KLF17: variants seen among roughly 807,000 people sequenced by gnomAD.
KLF17 encodes the protein Krueppel-like factor 17.
In KLF17, 31 loss-of-function variants were observed where a neutral mutation model predicts 34.2. The ratio of observed to expected loss-of-function variants is 0.91; its 90% CI spans 0.68 to 1.22. The LOEUF is 1.22. Ranked by LOEUF, KLF17 falls within the 50% of genes most tolerant of loss-of-function variation. The probability of loss-of-function intolerance (pLI) is 0.00; values close to 1 mark genes in which losing one functional copy is unlikely to be tolerated. For synonymous variants in KLF17, 179 were observed against 186.7 expected, an observed-to-expected ratio of 0.96 and a Z score of 0.34; for missense variants, 478 against 505.2, an observed-to-expected ratio of 0.95 and a Z score of 0.52.
intron 1 of KLF17, among the ~76,000 whole-genome samples, chr1:44,125,910 G>C (rs1229878231): frequency 6.6e-6 from 1 of 152,198 alleles, no homozygotes; most frequent in Non-Finnish European, 1.5e-5. Flanking sequence ...TGGGGGTTGA[G>C]TTGCCATAAT....
chr1:44,062,942 T>A, the KLF17 span, among the ~76,000 whole-genome samples: 2 of 152,188 alleles, frequency 1.3e-5, no homozygotes, highest in African/African-American at 2.4e-5. Flanking sequence ...TACGAGAATG[T>A]TCATAGTAGC....
At chr1:44,122,286 A>G in intron 1 of KLF17, 3 of 1,602,606 alleles carry the variant, frequency 1.9e-6, no homozygotes, top group Non-Finnish European at 2.6e-6. Flanking sequence ...TAGTGTATCC[A>G]GAGGTAAACT....
At chr1:44,046,203 C>A in the KLF17 span, 1 of 147,980 alleles carries the variant, frequency 6.8e-6, no homozygotes, top group Non-Finnish European at 1.5e-5. Context: ...TAGTACCAGG[C>A]CAGTTCTAAG....
chr1:44,118,813 A>T (rs2087910137), upstream of KLF17: 6 of 896,522 alleles, frequency 6.7e-6, no homozygotes, highest in Non-Finnish European at 9.9e-6. Flanking sequence ...ATAGAAGGTG[A>T]TTGTGGCGTG....
At chr1:44,107,792 T>A in the KLF17 span, among the ~76,000 whole-genome samples, 1 of 152,200 alleles carries the variant, frequency 6.6e-6, no homozygotes, top group Non-Finnish European at 1.5e-5. Context: ...GTTATAATTG[T>A]TTTATTTTAT....
intron 1 of KLF17, among the ~76,000 whole-genome samples, chr1:44,122,807 C>T (rs550956594): frequency 6.6e-6 from 1 of 152,250 alleles, no homozygotes; most frequent in East Asian, 1.9e-4. Flanking sequence ...CCATGTTGGC[C>T]AGGCTGGTCT....
chr1:44,080,810 GCTCAAACAATCCTCCTGC>G, the KLF17 span, among the ~76,000 whole-genome samples: 1 of 147,778 alleles, frequency 6.8e-6, no homozygotes, highest in East Asian at 2.0e-4. Context: ...TGTCTCCTAG[GCTCAAACAATCCTCCTGC>G]CTCAGCCTCT....
the KLF17 span, among the ~76,000 whole-genome samples, chr1:44,059,988 A>G: frequency 1.3e-5 from 2 of 152,082 alleles, no homozygotes; most frequent in African/African-American, 4.8e-5. Context: ...AACAGGGGGA[A>G]AATATCTCCT....
chr1:44,046,030 C>T, the KLF17 span: 1 of 151,714 alleles, frequency 6.6e-6, no homozygotes, highest in African/African-American at 2.4e-5. Flanking sequence ...CTTAATATTT[C>T]TTAATATTCT....
the KLF17 span, among the ~76,000 whole-genome samples, chr1:44,082,602 A>G: frequency 1.3e-5 from 2 of 152,244 alleles, no homozygotes; most frequent in Non-Finnish European, 2.9e-5. Flanking sequence ...AAGTTTCTTT[A>G]TGAACAGAAG....
Position 44,129,708 on chromosome 1 carries a change from C to T in KLF17, c.437C>T (p.Pro146Leu). 2.5e-6 allele frequency: 4 copies of T among 1,614,194 alleles called. No individual in the cohort carries two copies. Among genetic ancestry groups the T allele is most frequent in the Non-Finnish European group, 2.5e-6 (3 of 1,180,036 alleles). ...CCCAATATTCCAAGGGTAGCCAGGC[C>T]CTTCGGTGGGAATCTAAGGATGCCC... ...GEPNIPRVAR[P>L]FGGNLRMPPN... is the part of the protein sequence containing the mutation. The change falls in exon 2 of 4, where the codon CCC (proline) becomes CTC (leucine). Residue 146 changes from proline (P) to leucine (L), a missense_variant. Physicochemically the swap from Pro to Leu is moderately conservative, Grantham distance 98 (BLOSUM62 -3). Transcript: ENST00000372299.
chr1:44,097,420 A>T, the KLF17 span, among the ~76,000 whole-genome samples: 1 of 152,136 alleles, frequency 6.6e-6, no homozygotes, highest in Admixed American at 6.6e-5. Context: ...TGGTAGCTTG[A>T]TGGGGATAGC....
the KLF17 span, chr1:44,103,546 T>G: frequency 7.0e-7 from 1 of 1,429,782 alleles, no homozygotes; most frequent in Non-Finnish European, 9.8e-7. Flanking sequence ...TGGATACTCC[T>G]GTTCTGCATC....
the KLF17 span, among the ~76,000 whole-genome samples, chr1:44,074,522 T>C: frequency 6.6e-6 from 1 of 152,174 alleles, no homozygotes; most frequent in Non-Finnish European, 1.5e-5. Flanking sequence ...ACAGACAGCT[T>C]TGCACTGTGT....
In KLF17 at chr1:44,129,699, T is replaced by G; in HGVS notation, c.428T>G (p.Val143Gly). The G allele has an allele frequency of 6.2e-7, 1 of 1,614,008 alleles. No individual in the cohort carries two copies. Among genetic ancestry groups the G allele is most frequent in the Non-Finnish European group, 8.5e-7 (1 of 1,179,956 alleles). Residue 143 changes from valine to glycine, a missense_variant, in exon 2 of 4, where the codon GTA (valine) becomes GGA (glycine). Transcript: ENST00000372299. ...GTAGGAGAGCCCAATATTCCAAGGGTAGCCAGGCCCTTCGGTGGGAATCTA... is the reference window on the plus strand; with the variant it reads ...GTAGGAGAGCCCAATATTCCAAGGGGAGCCAGGCCCTTCGGTGGGAATCTA... ...MPVGEPNIPRVARPFGGNLRM... is the reference protein window; with the variant it reads ...MPVGEPNIPRGARPFGGNLRM...
the KLF17 span, among the ~76,000 whole-genome samples, chr1:44,113,361 G>C: frequency 1.3e-5 from 2 of 152,170 alleles, no homozygotes; most frequent in African/African-American, 4.8e-5. Context: ...ACAGCAGAAG[G>C]CAGAAAAAGA....
chr1:44,108,790 C>A, the KLF17 span, among the ~76,000 whole-genome samples: 2 of 151,292 alleles, frequency 1.3e-5, no homozygotes, highest in Non-Finnish European at 2.9e-5. Flanking sequence ...CTCAGCCTCC[C>A]AAGTAGCTGG....
the KLF17 span, among the ~76,000 whole-genome samples, chr1:44,089,859 A>G: frequency 6.6e-6 from 1 of 152,110 alleles, no homozygotes; most frequent in Non-Finnish European, 1.5e-5. Flanking sequence ...AGGCAGGTTG[A>G]GTAGTGTGAT....
chr1:44,096,341 G>T, the KLF17 span, among the ~76,000 whole-genome samples: 2 of 151,432 alleles, frequency 1.3e-5, no homozygotes, highest in Non-Finnish European at 2.9e-5. Flanking sequence ...TCTTTCTCTT[G>T]TCTAATTGCT....
Sources: allele counts gnomAD v4.1 joint callset (sites outside exome capture counted in the v4.1 genomes callset), GRCh38; gene constraint gnomAD v4.1.1; transcripts MANE v1.5; gene names NCBI Gene and HGNC (gene_info 2026-07-23, HGNC 2026-07-21).